Variants in DACH1 observed in about 807,000 individuals in gnomAD.
The protein encoded by DACH1 is dachshund homolog 1.
In DACH1, 12 loss-of-function variants were observed where a neutral mutation model predicts 54.2. The ratio of observed to expected loss-of-function variants is 0.22; its 90% CI spans 0.14 to 0.36. DACH1 has a LOEUF of 0.36. DACH1 is among the 10% of genes least tolerant of loss of function. DACH1 has a pLI of 1.00. For synonymous variants in DACH1, 386 were observed against 366.2 expected (o/e 1.05, Z -0.62); for missense variants, 805 against 929.8 (o/e 0.87, Z 1.75).
intron 1 of DACH1, among the ~76,000 whole-genome samples, chr13:71,758,567 T>C (rs1396024222): frequency 6.6e-6 from 1 of 152,164 alleles, no homozygotes; most frequent in Non-Finnish European, 1.5e-5. Flanking sequence ...GGAGGAATAC[T>C]CTAAAATGTG....
chr13:71,455,777 T>C (rs1875506438), intron 10 of DACH1, among the ~76,000 whole-genome samples: 1 of 152,166 alleles, frequency 6.6e-6, no homozygotes, highest in South Asian at 2.1e-4. Flanking sequence ...TTAGTGTTCC[T>C]GAGAACTTTT....
At chr13:71,545,207 C>G (rs1363984412) in intron 6 of DACH1, among the ~76,000 whole-genome samples, 3 of 151,940 alleles carry the variant, frequency 2.0e-5, no homozygotes, top group African/African-American at 7.2e-5. Context: ...AAATTTTAAC[C>G]AGGACTTAAA....
At chr13:71,579,907 G>A (rs2063636704) in intron 3 of DACH1, among the ~76,000 whole-genome samples, 1 of 151,978 alleles carries the variant, frequency 6.6e-6, no homozygotes, top group Non-Finnish European at 1.5e-5. Context: ...ACACACCAAG[G>A]TAAAACAAAG....
chr13:71,533,044 G>A (rs890272805), intron 6 of DACH1, among the ~76,000 whole-genome samples: 8 of 151,262 alleles, frequency 5.3e-5, no homozygotes, highest in African/African-American at 7.3e-5. Flanking sequence ...TGCTTGTACC[G>A]ATAAACCACT....
chr13:71,770,048 C>A (rs1885790732), intron 1 of DACH1, among the ~76,000 whole-genome samples: 1 of 151,684 alleles, frequency 6.6e-6, no homozygotes, highest in African/African-American at 2.4e-5. Context: ...TTTAGTACAG[C>A]TTTAAAATTT....
intron 1 of DACH1, among the ~76,000 whole-genome samples, chr13:71,843,519 C>T (rs1873021320): frequency 6.6e-6 from 1 of 152,126 alleles, no homozygotes; most frequent in Non-Finnish European, 1.5e-5. Context: ...CCCAGCTCAA[C>T]CTCTCAAAAT....
chr13:71,536,922 C>A (rs1882846289), intron 6 of DACH1, among the ~76,000 whole-genome samples: 1 of 152,094 alleles, frequency 6.6e-6, no homozygotes, highest in African/African-American at 2.4e-5. Context: ...TTAATAGCCT[C>A]TTAATTAGTT....
intron 1 of DACH1, among the ~76,000 whole-genome samples, chr13:71,757,870 G>A (rs1885235929): frequency 6.6e-6 from 1 of 152,044 alleles, no homozygotes; most frequent in Non-Finnish European, 1.5e-5. Flanking sequence ...AATCACAATG[G>A]CATTTCTGTA....
At chr13:71,502,938 A>G (rs553763697) in intron 6 of DACH1, among the ~76,000 whole-genome samples, 35 of 152,368 alleles carry the variant, frequency 2.3e-4, no homozygotes, top group Admixed American at 2.0e-3. Flanking sequence ...GCTAGGCATC[A>G]GTTTGCTGGT....
intron 6 of DACH1, among the ~76,000 whole-genome samples, chr13:71,529,609 T>G (rs1304076758): frequency 6.6e-6 from 1 of 152,146 alleles, no homozygotes; most frequent in African/African-American, 2.4e-5. Flanking sequence ...GAAAATAACT[T>G]CGGAGAATAT....
chr13:71,713,213 C>G (rs866010960), intron 1 of DACH1, among the ~76,000 whole-genome samples: 1 of 151,894 alleles, frequency 6.6e-6, no homozygotes, highest in African/African-American at 2.4e-5. Context: ...GAACCTGATA[C>G]TATCAACCCA....
chr13:71,860,028 C>A (rs1874248272), intron 1 of DACH1, among the ~76,000 whole-genome samples: 1 of 151,752 alleles, frequency 6.6e-6, no homozygotes. Context: ...ATTAGGTGGG[C>A]TCTTAATTCA....
intron 1 of DACH1, among the ~76,000 whole-genome samples, chr13:71,736,641 A>T (rs1171582753): frequency 3.3e-5 from 5 of 152,138 alleles, no homozygotes; most frequent in Non-Finnish European, 7.3e-5. Context: ...AGAAAGAGGG[A>T]GTCAAATCAA....
At chr13:71,828,265 C>A (rs183878279) in intron 1 of DACH1, among the ~76,000 whole-genome samples, 11 of 152,058 alleles carry the variant, frequency 7.2e-5, no homozygotes, top group Non-Finnish European at 1.5e-4. Context: ...GATCAGGAAA[C>A]CACAATCTTT....
chr13:71,741,334 C>T (rs138111724), intron 1 of DACH1, among the ~76,000 whole-genome samples: 8 of 152,272 alleles, frequency 5.3e-5, no homozygotes, highest in Non-Finnish European at 1.0e-4. Context: ...TTATCAGATA[C>T]TGCTAAGTAA....
chr13:71,639,879 T>A (rs1594029711), intron 2 of DACH1, among the ~76,000 whole-genome samples: 1 of 152,064 alleles, frequency 6.6e-6, no homozygotes, highest in Non-Finnish European at 1.5e-5. Flanking sequence ...CACTATGAGG[T>A]CTTAAATATG....
intron 1 of DACH1, among the ~76,000 whole-genome samples, chr13:71,814,201 C>T (rs1887825897): frequency 6.6e-6 from 1 of 152,160 alleles, no homozygotes; most frequent in African/African-American, 2.4e-5. Flanking sequence ...TAAGAATGAC[C>T]TTTAGTGAAT....
intron 3 of DACH1, among the ~76,000 whole-genome samples, chr13:71,623,030 A>G (rs1038455011): frequency 1.3e-5 from 2 of 151,792 alleles, no homozygotes; most frequent in African/African-American, 4.8e-5. Context: ...CATCAAAAAT[A>G]CATTTAATAG....
At chr13:71,484,757 A>C (rs928440074) in intron 7 of DACH1, among the ~76,000 whole-genome samples, 1 of 152,192 alleles carries the variant, frequency 6.6e-6, no homozygotes, top group Admixed American at 6.5e-5. Context: ...CTATGTGCCA[A>C]AAGGTTCTAG....
Sources: gnomAD v4.1 joint callset for allele counts (sites outside exome capture counted in the v4.1 genomes callset) on GRCh38, gnomAD v4.1.1 for gene constraint, MANE v1.5 for transcripts, NCBI Gene and HGNC (gene_info 2026-07-23, HGNC 2026-07-21) for gene names.